Variants in HPSE2 observed in about 807,000 individuals in gnomAD.
The protein encoded by HPSE2 is inactive heparanase-2.
HPSE2 carries 38 observed loss-of-function variants against 60.5 expected under a neutral mutation model. The ratio of observed to expected loss-of-function variants is 0.63; its 90% confidence interval spans 0.48 to 0.82. The LOEUF (loss-of-function observed/expected upper bound fraction) is 0.82. Ranked by LOEUF, HPSE2 falls within the 40% of genes least tolerant of loss-of-function variation. The pLI is 0.00. For missense variants in HPSE2, 713 were observed against 740.4 expected (o/e 0.96, Z 0.43); for synonymous variants, 295 against 293.2 (o/e 1.01, Z -0.06).
intron 3 of HPSE2, among the ~76,000 whole-genome samples, chr10:98,788,542 G>A (rs1239937140): frequency 6.6e-6 from 1 of 151,448 alleles, no homozygotes; most frequent in Non-Finnish European, 1.5e-5. Context: ...CCCTCCCCCA[G>A]CCTCGTTGCC....
chr10:98,573,027 G>T (rs1457266893), intron 9 of HPSE2, among the ~76,000 whole-genome samples: 1 of 152,174 alleles, frequency 6.6e-6, no homozygotes, highest in African/African-American at 2.4e-5. Context: ...ACAGATTACA[G>T]CATGGTGTAG....
intron 2 of HPSE2, among the ~76,000 whole-genome samples, chr10:99,210,783 G>T (rs1462753247): frequency 6.6e-6 from 1 of 152,066 alleles, no homozygotes; most frequent in African/African-American, 2.4e-5. Flanking sequence ...ACACAATAAA[G>T]GCCATGTATG....
chr10:98,899,845 G>A (rs562567636), intron 3 of HPSE2, among the ~76,000 whole-genome samples: 12 of 149,034 alleles, frequency 8.1e-5, no homozygotes, highest in Non-Finnish European at 1.2e-4. Context: ...GTGCAGTGGC[G>A]CGATCTTGGC....
intron 9 of HPSE2, among the ~76,000 whole-genome samples, chr10:98,529,276 T>G (rs1943064155): frequency 6.6e-6 from 1 of 152,226 alleles, no homozygotes; most frequent in African/African-American, 2.4e-5. Context: ...TGAGATAGAC[T>G]AACAGGGATG....
At chr10:98,871,942 A>C (rs1289153302) in intron 3 of HPSE2, among the ~76,000 whole-genome samples, 1 of 152,178 alleles carries the variant, frequency 6.6e-6, no homozygotes, top group Non-Finnish European at 1.5e-5. Flanking sequence ...AATGCAAAAA[A>C]TAAATTGATT....
intron 3 of HPSE2, among the ~76,000 whole-genome samples, chr10:98,866,710 A>G (rs1013579566): frequency 4.6e-5 from 7 of 152,086 alleles, no homozygotes; most frequent in African/African-American, 1.7e-4. Context: ...CAACATATTT[A>G]AAGTACTTAA....
At position 98,587,345 on chromosome 10, in the gene HPSE2, C is replaced by T. The variant is rs200553800; in HGVS notation, c.1320+27559G>A. Among the ~76,000 whole-genome samples the T allele has an allele frequency of 1.6e-4, 25 of 152,172 alleles. No homozygotes were observed. The East Asian group carries it at 3.7e-3, about 22-fold the overall frequency. On this transcript the variant is annotated intron_variant, in intron 9 of 11. Transcript: ENST00000370552. ...AAGCTCTGTGAGTCATATCATGATT[C>T]GGAAAAAAATCTGCAAATTTAAACC...
chr10:99,025,379 A>G (rs957753598), intron 3 of HPSE2, among the ~76,000 whole-genome samples: 2 of 152,186 alleles, frequency 1.3e-5, no homozygotes, highest in Admixed American at 6.5e-5. Flanking sequence ...GAATCATTCT[A>G]CCATAAACAC....
intron 4 of HPSE2, among the ~76,000 whole-genome samples, chr10:98,733,758 G>A (rs1296096117): frequency 1.3e-5 from 2 of 151,368 alleles, no homozygotes; most frequent in African/African-American, 4.9e-5. Flanking sequence ...GCCTCTAAGA[G>A]AGTAACACTA....
chr10:99,235,513 C>G lies in HPSE2; in HGVS notation c.290G>C (p.Ser97Thr). Residue 97 changes from serine to threonine, a missense_variant and splice_region_variant, in exon 1 of 12, where the codon AGC becomes ACC. Physicochemically the swap from Ser to Thr is moderately conservative, Grantham distance 58. Transcript: ENST00000370552. ...IIHDGWLDFL[S>T]SKRLVTLARG... Reference sequence around the variant, plus strand: ...TGATCCATCGAAACCCCTGCCTTACCTTAGGAAATCGAGCCAGCCATCATG... The same window carrying G: ...TGATCCATCGAAACCCCTGCCTTACGTTAGGAAATCGAGCCAGCCATCATG... 6.2e-7 allele frequency: 1 copy of G among 1,613,986 alleles called. No homozygotes were observed. Among genetic ancestry groups the G allele is most frequent in the Non-Finnish European group, 8.5e-7 (1 of 1,179,998 alleles).
At chr10:98,488,497 A>T (rs1941521017) in intron 10 of HPSE2, among the ~76,000 whole-genome samples, 1 of 152,216 alleles carries the variant, frequency 6.6e-6, no homozygotes, top group African/African-American at 2.4e-5. Flanking sequence ...AAGAATGAGG[A>T]TGAACACTCG....
chr10:99,242,999 A>G, the HPSE2 span, among the ~76,000 whole-genome samples: 5 of 152,312 alleles, frequency 3.3e-5, no homozygotes, highest in Admixed American at 3.3e-4. Context: ...CATATATACT[A>G]TTTAATTTTA....
chr10:98,814,217 GA>G (rs372688634), intron 3 of HPSE2, among the ~76,000 whole-genome samples: 1,566 of 149,882 alleles, frequency 0.01, 25 homozygotes, highest in African/African-American at 0.036. Context: ...TAATAAAATT[GA>G]AAAAAAAATT....
At chr10:99,184,184 T>C (rs1183667457) in intron 2 of HPSE2, among the ~76,000 whole-genome samples, 2 of 151,850 alleles carry the variant, frequency 1.3e-5, no homozygotes, top group Non-Finnish European at 2.9e-5. Flanking sequence ...TCAATAAACA[T>C]AAACAGATAT....
chr10:98,656,847 C>A (rs534112876), intron 6 of HPSE2, among the ~76,000 whole-genome samples: 76 of 151,298 alleles, frequency 5.0e-4, no homozygotes, highest in African/African-American at 1.7e-3. Flanking sequence ...CTGCAACCTC[C>A]GTCTCCCGGA....
rs952206541 is a variant in HPSE2, at chr10:99,185,676, A to G, written c.449-41277T>C. 3.3e-5 allele frequency among the ~76,000 whole-genome samples: 5 copies of G among 152,128 alleles called. No homozygotes were observed. The East Asian group carries it at 9.7e-4, about 30-fold the overall frequency. On this transcript the variant is annotated intron_variant, in intron 2 of 11. Transcript: ENST00000370552. ...TTAGTCCCAGCTACTCGGGAGGCTG[A>G]GGCAGGAGAATGGCGTGAACCCGGG...
At chr10:98,637,001 C>A (rs528890248) in intron 7 of HPSE2, among the ~76,000 whole-genome samples, 1 of 152,122 alleles carries the variant, frequency 6.6e-6, no homozygotes, top group African/African-American at 2.4e-5. Context: ...TCTGACTCTT[C>A]CCTGTATTTT....
intron 3 of HPSE2, among the ~76,000 whole-genome samples, chr10:99,102,267 C>T (rs1312488449): frequency 1.3e-5 from 2 of 151,966 alleles, no homozygotes; most frequent in African/African-American, 4.8e-5. Context: ...AGAGAAGAAT[C>T]AAATAGATGC....
intron 3 of HPSE2, among the ~76,000 whole-genome samples, chr10:98,987,749 C>T (rs370683262): frequency 4.6e-5 from 7 of 152,164 alleles, no homozygotes; most frequent in African/African-American, 7.2e-5. Flanking sequence ...AAAACCCCAT[C>T]GTCTCAGCCC....
Sources: allele counts gnomAD v4.1 joint callset (sites outside exome capture counted in the v4.1 genomes callset), GRCh38; gene constraint gnomAD v4.1.1; transcripts MANE v1.5; gene names NCBI Gene and HGNC (gene_info 2026-07-23, HGNC 2026-07-21).